Variants in RBPMS observed in about 807,000 individuals in gnomAD.
RBPMS encodes RNA binding protein, mRNA processing factor.
Under a neutral mutation model 26.8 loss-of-function variants are expected in RBPMS, and 7 were observed. That is an observed-to-expected ratio of 0.26 (90% CI 0.15 to 0.49). The LOEUF is 0.49. Among genes scored for constraint, RBPMS ranks in the 20% least tolerant of loss-of-function variants. RBPMS has a pLI of 0.98. For missense variants in RBPMS, 186 were observed against 250.0 expected (o/e 0.74, Z 1.73); for synonymous variants, 96 against 93.3 (o/e 1.03, Z -0.17).
intron 1 of RBPMS, among the ~76,000 whole-genome samples, chr8:30,414,210 C>G (rs982886616): frequency 6.8e-6 from 1 of 146,352 alleles, no homozygotes; most frequent in Non-Finnish European, 1.5e-5. Flanking sequence ...ATTAATGATA[C>G]ACTTCTTTTC....
Position 30,424,982 on chromosome 8 carries a change from C to T in RBPMS, c.66+39824C>T, listed in dbSNP as rs188113342. Reference sequence around the variant, plus strand: ...ATTTATTTATTTAGAGACAGGGTTTCACTCTGTCATCCACCCAGGCTGGAG... The same window carrying T: ...ATTTATTTATTTAGAGACAGGGTTTTACTCTGTCATCCACCCAGGCTGGAG... On this transcript the variant is annotated intron_variant, in intron 1 of 8. Transcript: ENST00000397323. Among the ~76,000 whole-genome samples the T allele has an allele frequency of 3.3e-5, 5 of 152,198 alleles. No homozygotes were observed. The East Asian group carries it at 9.6e-4, about 29-fold the overall frequency.
intron 4 of RBPMS, among the ~76,000 whole-genome samples, chr8:30,501,824 T>TCTTA (rs1417087444): frequency 6.6e-6 from 1 of 152,218 alleles, no homozygotes; most frequent in African/African-American, 2.4e-5. Context: ...CAGAGAAGAA[T>TCTTA]CTTAGTAGGC....
chr8:30,511,966 AAACT>A (rs756816986), intron 5 of RBPMS, among the ~76,000 whole-genome samples: 11 of 152,210 alleles, frequency 7.2e-5, no homozygotes, highest in Admixed American at 1.3e-4. Context: ...GGGAAAACTA[AAACT>A]AACATAGGAA....
At chr8:30,527,514 T>C (rs769751349) in intron 5 of RBPMS, among the ~76,000 whole-genome samples, 14 of 152,182 alleles carry the variant, frequency 9.2e-5, no homozygotes, top group Non-Finnish European at 1.5e-4. Flanking sequence ...CATTTGTAAC[T>C]ACCATCTCGT....
At chr8:30,499,880 G>C (rs1820368923) in intron 4 of RBPMS, among the ~76,000 whole-genome samples, 2 of 79,050 alleles carry the variant, frequency 2.5e-5, no homozygotes, top group Non-Finnish European at 5.7e-5. Context: ...CTGTGTGTGT[G>C]TGTGTGTGTG....
At chr8:30,445,148 A>G (rs1237009956) in intron 1 of RBPMS, 2 of 152,154 alleles carry the variant, frequency 1.3e-5, no homozygotes, top group African/African-American at 4.8e-5. Flanking sequence ...ATTAATATCT[A>G]TTGAAAATAC....
intron 1 of RBPMS, among the ~76,000 whole-genome samples, chr8:30,414,420 A>T (rs141632533): frequency 6.6e-6 from 1 of 152,280 alleles, no homozygotes; most frequent in African/African-American, 2.4e-5. Flanking sequence ...GTTGCTGGTT[A>T]GCTCACTTGA....
At chr8:30,442,866 C>T (rs915908538) in intron 1 of RBPMS, 4 of 152,202 alleles carry the variant, frequency 2.6e-5, no homozygotes, top group Middle Eastern at 3.4e-3. Context: ...GGTGACACTT[C>T]GGGTGACCGA....
intron 6 of RBPMS, among the ~76,000 whole-genome samples, chr8:30,555,008 T>G (rs536193710): frequency 6.6e-6 from 1 of 152,224 alleles, no homozygotes; most frequent in Non-Finnish European, 1.5e-5. Flanking sequence ...AAGGTCTTCC[T>G]GTCCTTGGCA....
chr8:30,489,114 A>C (rs1819101952), intron 4 of RBPMS, among the ~76,000 whole-genome samples: 2 of 149,316 alleles, frequency 1.3e-5, no homozygotes, highest in African/African-American at 2.5e-5. Context: ...TGGTGCCATC[A>C]TGACTCACTA....
At chr8:30,507,273 T>C (rs1049524091) in intron 5 of RBPMS, among the ~76,000 whole-genome samples, 2 of 152,222 alleles carry the variant, frequency 1.3e-5, no homozygotes, top group African/African-American at 4.8e-5. Context: ...TTGGTTGTGC[T>C]CCTATTCTCT....
intron 6 of RBPMS, chr8:30,547,522 C>G: frequency 2.7e-6 from 4 of 1,497,750 alleles, no homozygotes; most frequent in Non-Finnish European, 3.6e-6. Context: ...AAAATGAACT[C>G]AAGTAGACTG....
At chr8:30,563,678 A>C (rs973654827) in intron 7 of RBPMS, among the ~76,000 whole-genome samples, 6 of 152,196 alleles carry the variant, frequency 3.9e-5, no homozygotes, top group Non-Finnish European at 8.8e-5. Flanking sequence ...TTTGGGTGGA[A>C]TGGCCTTGCC....
At chr8:30,477,123 G>A (rs1817778628) in intron 2 of RBPMS, among the ~76,000 whole-genome samples, 1 of 152,148 alleles carries the variant, frequency 6.6e-6, no homozygotes, top group Admixed American at 6.5e-5. Context: ...GACGCCATCG[G>A]CTCACTGCAA....
At chr8:30,499,800 G>T (rs1820358374) in intron 4 of RBPMS, among the ~76,000 whole-genome samples, 1 of 151,956 alleles carries the variant, frequency 6.6e-6, no homozygotes, top group African/African-American at 2.4e-5. Flanking sequence ...TTGTTTTTAG[G>T]AAATCAAACT....
intron 1 of RBPMS, among the ~76,000 whole-genome samples, chr8:30,469,947 G>A (rs1319082907): frequency 6.6e-6 from 1 of 152,160 alleles, no homozygotes. Flanking sequence ...TTCACTGACA[G>A]TAAGCTCCCT....
At chr8:30,425,515 C>A (rs1811252084) in intron 1 of RBPMS, among the ~76,000 whole-genome samples, 1 of 152,110 alleles carries the variant, frequency 6.6e-6, no homozygotes, top group African/African-American at 2.4e-5. Flanking sequence ...ATTCTCCTGC[C>A]TCAGCCTCCT....
intron 1 of RBPMS, among the ~76,000 whole-genome samples, chr8:30,418,225 CCTTTCT>C (rs1810327831): frequency 6.6e-6 from 1 of 152,060 alleles, no homozygotes; most frequent in Admixed American, 6.6e-5. Context: ...TTCTCAATAC[CCTTTCT>C]AACATTTGAG....
chr8:30,387,432 A>AG (rs2092201805), intron 1 of RBPMS: 1 of 152,114 alleles, frequency 6.6e-6, no homozygotes, highest in Admixed American at 6.6e-5. Context: ...AGGTAAAATA[A>AG]ATAGAGTATT....
Sources: allele counts gnomAD v4.1 joint callset (sites outside exome capture counted in the v4.1 genomes callset), GRCh38; gene constraint gnomAD v4.1.1; transcripts MANE v1.5; gene names NCBI Gene and HGNC (gene_info 2026-07-23, HGNC 2026-07-21).